Variants in NRK observed in about 807,000 individuals in gnomAD.
The protein encoded by NRK is nik-related protein kinase.
A neutral mutation model predicts 125.2 loss-of-function variants in NRK; 67 were observed. That is an observed-to-expected ratio of 0.54 (90% confidence interval 0.44 to 0.66). The LOEUF is 0.66. Ranked by LOEUF, NRK falls within the 30% of genes least tolerant of loss-of-function variation. The pLI, the probability that NRK is intolerant of heterozygous loss-of-function variation, is 0.00. For synonymous variants in NRK, 458 were observed against 429.0 expected (o/e 1.07, Z -0.84); for missense variants, 1,224 against 1,192.9 (o/e 1.03, Z -0.38).
intron 9 of NRK, among the ~76,000 whole-genome samples, chrX:105,902,188 G>A (rs1602654976): frequency 9.1e-6 from 1 of 110,303 alleles, no homozygotes; most frequent in East Asian, 2.9e-4. Flanking sequence ...GTGCAGAGAA[G>A]GAGTTTTGCA....
Position 105,949,686 on chromosome X carries a change from C to G in NRK, c.4465C>G (p.Leu1489Val). Residue 1489 changes from leucine (L) to valine (V), a missense_variant, in exon 27 of 29, where the codon CTC becomes GTC. Leu to Val is a conservative substitution (Grantham distance 32). Coordinates refer to ENST00000243300, the MANE Select transcript of NRK (RefSeq NM_198465.4). ...EALSVEANEQ[L>V]FKKILEMWKD... Reference sequence around the variant, plus strand: ...CCTCTCTGTGGAAGCAAATGAACAACTCTTCAAGAAGATCCTTGAAATGTG... The same window carrying G: ...CCTCTCTGTGGAAGCAAATGAACAAGTCTTCAAGAAGATCCTTGAAATGTG... The G allele has an allele frequency of 8.3e-7, 1 of 1,201,991 alleles. No individual in the cohort carries two copies. Among genetic ancestry groups the G allele is most frequent in the Non-Finnish European group, 1.1e-6 (1 of 887,504 alleles).
At chrX:105,885,985 G>A (rs748014833) in intron 4 of NRK, among the ~76,000 whole-genome samples, 63 of 110,598 alleles carry the variant, frequency 5.7e-4, no homozygotes, top group Non-Finnish European at 1.0e-3. Context: ...TCCTACTCTG[G>A]GCTATCAGTG....
chrX:105,830,022 A>C (rs1431317252), intron 1 of NRK, among the ~76,000 whole-genome samples: 1 of 109,763 alleles, frequency 9.1e-6, no homozygotes, highest in Non-Finnish European at 1.9e-5. Flanking sequence ...TGCATGTTAA[A>C]TTTTCTGCTT....
intron 2 of NRK, among the ~76,000 whole-genome samples, chrX:105,873,168 G>A (rs1380652665): frequency 3.6e-5 from 4 of 111,542 alleles, no homozygotes; most frequent in African/African-American, 1.3e-4. Context: ...GAAGGACTAC[G>A]TAGGAACTGC....
chrX:105,948,577 A>G, intron 26 of NRK: 1 of 449,714 alleles, frequency 2.2e-6, no homozygotes, highest in East Asian at 3.9e-5. Context: ...TATTAAGACA[A>G]CCTTCTTTCC....
In NRK at chrX:105,906,503, T is replaced by C; in HGVS notation, c.935T>C (p.Phe312Ser). The change falls in exon 11 of 29, where the codon TTT (phenylalanine) becomes TCT (serine). Residue 312 changes from phenylalanine (F) to serine (S), a missense_variant. Physicochemically the swap from Phe to Ser is radical, Grantham distance 155. Transcript: ENST00000243300. ...PTSANMLQHP[F>S]VRDIKNERHV... is the part of the protein sequence containing the mutation. ...TCTGCAAACATGCTTCAACACCCATTTGTTCGGGATATAAAAAATGAACGA... is the reference window on the plus strand; with the variant it reads ...TCTGCAAACATGCTTCAACACCCATCTGTTCGGGATATAAAAAATGAACGA... 8.6e-7 allele frequency: 1 copy of C among 1,162,200 alleles called. No individual in the cohort carries two copies. Among genetic ancestry groups the C allele is most frequent in the Non-Finnish European group, 1.2e-6 (1 of 859,689 alleles).
chrX:105,863,160 C>T (rs977144911), intron 2 of NRK, among the ~76,000 whole-genome samples: 2 of 111,912 alleles, frequency 1.8e-5, no homozygotes, highest in Non-Finnish European at 3.8e-5. Flanking sequence ...AGTAAAGCCA[C>T]TGTGAAGACA....
In NRK at chrX:105,892,175, C is replaced by T. The variant is rs191169488; in HGVS notation, c.379-1657C>T. Among the ~76,000 whole-genome samples, 932 of 111,439 alleles carry T rather than the reference C, an allele frequency of 8.4e-3. 6 individuals are homozygous for T. The highest frequency in any genetic ancestry group is 0.015 in the Non-Finnish European group (774 of 53,018). ...CTTACAATCTATTTGCAAAGACCAG[C>T]GTCAATCAAATAATCACACACATAA... On this transcript the variant is annotated intron_variant, in intron 5 of 28. Transcript: ENST00000243300.
At chrX:105,902,047 C>T (rs2040165308) in intron 9 of NRK, among the ~76,000 whole-genome samples, 1 of 110,580 alleles carries the variant, frequency 9.0e-6, no homozygotes, top group African/African-American at 3.3e-5. Flanking sequence ...CCTCACCATG[C>T]CTTTCCGGGA....
intron 21 of NRK, among the ~76,000 whole-genome samples, chrX:105,935,938 T>C (rs2040659814): frequency 1.8e-5 from 2 of 109,928 alleles, no homozygotes; most frequent in African/African-American, 6.6e-5. Flanking sequence ...GAAATATTTC[T>C]GCAGGATCTT....
intron 2 of NRK, among the ~76,000 whole-genome samples, chrX:105,832,930 A>T (rs1469692483): frequency 1.8e-5 from 2 of 111,211 alleles, no homozygotes; most frequent in Non-Finnish European, 3.8e-5. Flanking sequence ...TCAGGAGTCT[A>T]AGGCAGAAGG....
At chrX:105,883,112 G>A (rs751673376) in intron 4 of NRK, among the ~76,000 whole-genome samples, 1 of 112,171 alleles carries the variant, frequency 8.9e-6, no homozygotes, top group South Asian at 3.7e-4. Flanking sequence ...ACTGGAAGAT[G>A]TGTGAGAGTT....
chrX:105,912,042 C>G (rs1413734626), intron 13 of NRK, among the ~76,000 whole-genome samples: 1 of 110,753 alleles, frequency 9.0e-6, no homozygotes, highest in Non-Finnish European at 1.9e-5. Context: ...TTCATGATAC[C>G]TGAAATTTTA....
At chrX:105,863,572 T>C (rs1381353810) in intron 2 of NRK, among the ~76,000 whole-genome samples, 5 of 112,229 alleles carry the variant, frequency 4.5e-5, no homozygotes, top group African/African-American at 1.6e-4. Flanking sequence ...TTCTCTTCTC[T>C]CAGCTTAACA....
intron 28 of NRK, among the ~76,000 whole-genome samples, chrX:105,953,808 A>G (rs913484527): frequency 1.8e-5 from 2 of 111,798 alleles, no homozygotes; most frequent in African/African-American, 6.5e-5. Context: ...ATTCCTACCT[A>G]TTATAGGAAA....
intron 1 of NRK, among the ~76,000 whole-genome samples, chrX:105,825,820 G>A (rs893679092): frequency 2.4e-4 from 26 of 109,904 alleles, no homozygotes; most frequent in Non-Finnish European, 3.8e-4. Context: ...TTAATTAATG[G>A]GTTACTGTAA....
intron 1 of NRK, among the ~76,000 whole-genome samples, chrX:105,825,904 TTG>T (rs2039086217): frequency 9.3e-6 from 1 of 108,049 alleles, no homozygotes; most frequent in Non-Finnish European, 1.9e-5. Flanking sequence ...GATTTGTGGT[TTG>T]TGTTTCCTTT....
intron 26 of NRK, chrX:105,948,627 G>A (rs1329100792): frequency 2.1e-6 from 1 of 483,177 alleles, no homozygotes; most frequent in Non-Finnish European, 3.6e-6. Context: ...TTTTTTTTCT[G>A]ATTCAATTGC....
At chrX:105,948,634 T>C in intron 26 of NRK, 1 of 495,469 alleles carries the variant, frequency 2.0e-6, no homozygotes, top group Non-Finnish European at 3.6e-6. Context: ...TCTGATTCAA[T>C]TGCTCATGCA....
Sources: gnomAD v4.1 joint callset for allele counts (sites outside exome capture counted in the v4.1 genomes callset) on GRCh38, gnomAD v4.1.1 for gene constraint, MANE v1.5 for transcripts, NCBI Gene and HGNC (gene_info 2026-07-23, HGNC 2026-07-21) for gene names.